The following DCAF1 variants were observed in gnomAD, a reference collection of about 807,000 sequenced individuals.
DCAF1 encodes the protein DDB1 and CUL4 associated factor 1, also known as DDB1- and CUL4-associated factor 1.
In DCAF1, 15 loss-of-function variants were observed where a neutral mutation model predicts 128.0. The observed-to-expected ratio is 0.12, with a 90% confidence interval of 0.08 to 0.18. The LOEUF is 0.18. Ranked by LOEUF, DCAF1 falls within the 10% of genes least tolerant of loss-of-function variation. DCAF1 has a pLI of 1.00. For synonymous variants in DCAF1, 610 were observed against 603.0 expected, an observed-to-expected ratio of 1.01 and a Z score of -0.17; for missense variants, 988 against 1,649.5, an observed-to-expected ratio of 0.60 and a Z score of 6.95.
At chr3:51,453,690 C>T (rs1378126927) in intron 6 of DCAF1, among the ~76,000 whole-genome samples, 1 of 151,416 alleles carries the variant, frequency 6.6e-6, no homozygotes, top group African/African-American at 2.4e-5. Flanking sequence ...CAGTGGCTCA[C>T]GCCTGTAATC....
At chr3:51,489,206 G>T (rs1297997799) in intron 2 of DCAF1, among the ~76,000 whole-genome samples, 1 of 152,166 alleles carries the variant, frequency 6.6e-6, no homozygotes, top group Non-Finnish European at 1.5e-5. Flanking sequence ...GGCCAAGGCA[G>T]ATAGATCACT....
At chr3:51,434,477 T>C (rs1465553622) in intron 9 of DCAF1, among the ~76,000 whole-genome samples, 2 of 152,196 alleles carry the variant, frequency 1.3e-5, no homozygotes, top group Admixed American at 1.3e-4. Context: ...ACTGCAGTTT[T>C]TGCCTTTGAA....
intron 13 of DCAF1, among the ~76,000 whole-genome samples, chr3:51,424,457 G>A (rs569773266): frequency 2.1e-3 from 318 of 151,966 alleles, no homozygotes; most frequent in African/African-American, 7.5e-3. Context: ...TATATTGCTG[G>A]TGGGGGATGA....
At chr3:51,498,634 A>G (rs1333537997) in intron 1 of DCAF1, among the ~76,000 whole-genome samples, 1 of 152,160 alleles carries the variant, frequency 6.6e-6, no homozygotes, top group African/African-American at 2.4e-5. Context: ...AAAACACTGT[A>G]CTCAGCAACT....
chr3:51,456,298 C>A (rs1405486704), intron 6 of DCAF1, among the ~76,000 whole-genome samples: 1 of 152,220 alleles, frequency 6.6e-6, no homozygotes, highest in South Asian at 2.1e-4. Flanking sequence ...CCCACAGAGT[C>A]TCCCTCATTG....
chr3:51,436,200 C>T (rs1443078123), intron 9 of DCAF1, among the ~76,000 whole-genome samples: 1 of 152,218 alleles, frequency 6.6e-6, no homozygotes, highest in Non-Finnish European at 1.5e-5. Flanking sequence ...TCAGGGAAAT[C>T]AGAGATGACT....
At chr3:51,468,741 T>C (rs1704408212) in intron 4 of DCAF1, among the ~76,000 whole-genome samples, 1 of 152,152 alleles carries the variant, frequency 6.6e-6, no homozygotes, top group African/African-American at 2.4e-5. Flanking sequence ...TTATTTTTAA[T>C]AAAGAAATAA....
At chr3:51,399,984 A>G (rs782177233) in intron 24 of DCAF1, among the ~76,000 whole-genome samples, 11 of 152,186 alleles carry the variant, frequency 7.2e-5, no homozygotes, top group Non-Finnish European at 1.3e-4. Context: ...TCCTTCATTC[A>G]TTATCCCCAA....
chr3:51,483,906 G>A (rs1247046846), intron 2 of DCAF1, 70 bp from the exon 3 acceptor site: 3 of 1,065,462 alleles, frequency 2.8e-6, no homozygotes, highest in African/African-American at 1.6e-5. Context: ...AGTGAAGAAG[G>A]GGTAGAAAAG....
At chr3:51,502,707 C>G (rs995885377), upstream of DCAF1, among the ~76,000 whole-genome samples, 6 of 151,970 alleles carry the variant, frequency 3.9e-5, no homozygotes, top group Non-Finnish European at 8.8e-5. Context: ...CAAGGCCTCT[C>G]CAGCAGCCAC....
chr3:51,401,131 CAAAAAAAA>C (rs57102954), intron 24 of DCAF1, among the ~76,000 whole-genome samples: 1 of 67,258 alleles, frequency 1.5e-5, no homozygotes, highest in African/African-American at 5.5e-5. Flanking sequence ...GACTCCATCT[CAAAAAAAA>C]AAAAAAAAAA....
intron 4 of DCAF1, 61 bp from the exon 5 acceptor site, chr3:51,466,937 C>A (rs1214211200): frequency 6.6e-7 from 1 of 1,520,032 alleles, no homozygotes; most frequent in Non-Finnish European, 9.1e-7. Context: ...AGTCAAGCAA[C>A]TTAGACCTCT....
chr3:51,468,174 G>T (rs1322550600), intron 4 of DCAF1, among the ~76,000 whole-genome samples: 1 of 150,868 alleles, frequency 6.6e-6, no homozygotes, highest in Non-Finnish European at 1.5e-5. Flanking sequence ...TTACTGGTTT[G>T]TTGTTGTTGT....
chr3:51,431,099 C>T (rs888450845), intron 10 of DCAF1, among the ~76,000 whole-genome samples: 3 of 151,944 alleles, frequency 2.0e-5, no homozygotes, highest in South Asian at 4.2e-4. Flanking sequence ...CCCAGGAGGC[C>T]GAGGCTGCAG....
chr3:51,484,872 G>A (rs1227154875), intron 2 of DCAF1, among the ~76,000 whole-genome samples: 1 of 149,324 alleles, frequency 6.7e-6, no homozygotes, highest in Admixed American at 6.7e-5. Context: ...TAGTAGAGAC[G>A]CAGTTTCACC....
intron 3 of DCAF1, among the ~76,000 whole-genome samples, chr3:51,475,886 G>C (rs1200241184): frequency 1.3e-5 from 2 of 151,692 alleles, no homozygotes; most frequent in African/African-American, 2.4e-5. Flanking sequence ...GTGGCTTTTG[G>C]AGCCAGATTT....
chr3:51,465,394 A>G (rs17051799), intron 5 of DCAF1, among the ~76,000 whole-genome samples: 5,810 of 152,294 alleles, frequency 0.038, 390 homozygotes, highest in African/African-American at 0.13. Flanking sequence ...TGAAACTAAG[A>G]AAGAGACAAT....
At chr3:51,452,707 G>A (rs1702474974) in intron 6 of DCAF1, among the ~76,000 whole-genome samples, 1 of 152,062 alleles carries the variant, frequency 6.6e-6, no homozygotes, top group African/African-American at 2.4e-5. Flanking sequence ...TTTTCAAAAA[G>A]CCCCGTTAAA....
intron 5 of DCAF1, among the ~76,000 whole-genome samples, chr3:51,464,870 G>A (rs560736595): frequency 6.6e-6 from 1 of 152,216 alleles, no homozygotes; most frequent in South Asian, 2.1e-4. Flanking sequence ...AGGAAACGTT[G>A]GAGGAGAGGA....
Sources: allele counts gnomAD v4.1 joint callset (sites outside exome capture counted in the v4.1 genomes callset), GRCh38; gene constraint gnomAD v4.1.1; transcripts MANE v1.5; gene names NCBI Gene and HGNC (gene_info 2026-07-23, HGNC 2026-07-21).